DOCK3: variants seen among roughly 807,000 people sequenced by gnomAD.
DOCK3 encodes the protein dedicator of cytokinesis 3, also known as dedicator of cytokinesis protein 3.
Under a neutral mutation model 265.6 loss-of-function variants are expected in DOCK3, and 60 were observed. That is an observed-to-expected ratio of 0.23 (90% CI 0.18 to 0.28). The LOEUF is 0.28. DOCK3 is among the 10% of genes least tolerant of loss of function. DOCK3 has a pLI of 1.00. For missense variants in DOCK3, 1,981 were observed against 2,594.3 expected (o/e 0.76, Z 5.14); for synonymous variants, 881 against 938.0 (o/e 0.94, Z 1.11).
At chr3:51,309,618 GGAGAGC>G (rs71084141) in intron 27 of DOCK3, among the ~76,000 whole-genome samples, 143 of 150,764 alleles carry the variant, frequency 9.5e-4, no homozygotes, top group East Asian at 2.4e-3. Flanking sequence ...AGAGGGAGAG[GGAGAGC>G]GAGAGCGAGA....
intron 24 of DOCK3, among the ~76,000 whole-genome samples, chr3:51,274,831 A>C (rs1030195848): frequency 6.6e-6 from 1 of 152,186 alleles, no homozygotes; most frequent in African/African-American, 2.4e-5. Flanking sequence ...CATCCTGCAC[A>C]AAATGTCATG....
At chr3:51,246,431 G>T (rs182946974) in intron 21 of DOCK3, among the ~76,000 whole-genome samples, 1 of 151,890 alleles carries the variant, frequency 6.6e-6, no homozygotes, top group African/African-American at 2.4e-5. Flanking sequence ...ATAAGGTTTC[G>T]CCATGTTCCC....
chr3:51,092,950 G>T (rs1479556511), intron 9 of DOCK3, among the ~76,000 whole-genome samples: 1 of 152,194 alleles, frequency 6.6e-6, no homozygotes, highest in East Asian at 1.9e-4. Context: ...TTTCCCCATT[G>T]CTTGTTTGTG....
At chr3:51,296,984 G>T (rs2082115476) in intron 27 of DOCK3, among the ~76,000 whole-genome samples, 1 of 151,688 alleles carries the variant, frequency 6.6e-6, no homozygotes. Context: ...CAGGCATGGT[G>T]GCGGGCACTT....
intron 5 of DOCK3, among the ~76,000 whole-genome samples, chr3:50,990,053 C>A (rs1053465965): frequency 6.6e-6 from 1 of 151,990 alleles, no homozygotes; most frequent in Non-Finnish European, 1.5e-5. Context: ...AGGAAAAAAT[C>A]TTGGAATTTA....
At chr3:51,010,716 A>G (rs1263538638) in intron 5 of DOCK3, among the ~76,000 whole-genome samples, 6 of 152,254 alleles carry the variant, frequency 3.9e-5, no homozygotes, top group African/African-American at 1.4e-4. Context: ...TCCTAGCATC[A>G]ATGGTCTTTA....
intron 32 of DOCK3, among the ~76,000 whole-genome samples, chr3:51,321,468 G>A (rs376657722): frequency 3.9e-5 from 6 of 152,140 alleles, no homozygotes; most frequent in East Asian, 3.9e-4. Context: ...AAACCTGGAC[G>A]GAAAATGAAT....
chr3:50,750,434 A>G (rs1576327622), intron 1 of DOCK3, among the ~76,000 whole-genome samples: 1 of 144,404 alleles, frequency 6.9e-6, no homozygotes, highest in African/African-American at 2.6e-5. Flanking sequence ...GGTTCAAGCT[A>G]TTCTCCTGCC....
intron 5 of DOCK3, among the ~76,000 whole-genome samples, chr3:51,006,380 T>A (rs960877615): frequency 1.2e-4 from 18 of 152,202 alleles, no homozygotes; most frequent in African/African-American, 4.1e-4. Flanking sequence ...TTGTTTTGTG[T>A]ATTGCTTACA....
chr3:51,071,295 G>A (rs2081857637), intron 6 of DOCK3, among the ~76,000 whole-genome samples: 1 of 152,128 alleles, frequency 6.6e-6, no homozygotes, highest in African/African-American at 2.4e-5. Flanking sequence ...TGAATTATTG[G>A]AGTGAATGAA....
At chr3:51,053,080 T>TAGATATAG (rs1223958373) in intron 5 of DOCK3, among the ~76,000 whole-genome samples, 1 of 35,926 alleles carries the variant, frequency 2.8e-5, no homozygotes, top group Non-Finnish European at 5.3e-5. Context: ...AAGTCAAAGA[T>TAGATATAG]ATATATATAT....
At chr3:50,797,985 CTG>C (rs1385644282) in intron 2 of DOCK3, among the ~76,000 whole-genome samples, 1 of 152,254 alleles carries the variant, frequency 6.6e-6, no homozygotes, top group African/African-American at 2.4e-5. Context: ...ATACAAAAAA[CTG>C]TAACACATAT....
chr3:51,107,980 A>C (rs2083358220), intron 9 of DOCK3, among the ~76,000 whole-genome samples: 1 of 152,172 alleles, frequency 6.6e-6, no homozygotes, highest in African/African-American at 2.4e-5. Flanking sequence ...TCAAACAAAT[A>C]GTGGACCTCT....
At chr3:51,179,939 G>A (rs560486838) in intron 12 of DOCK3, among the ~76,000 whole-genome samples, 6 of 151,704 alleles carry the variant, frequency 4.0e-5, no homozygotes, top group Admixed American at 1.3e-4. Context: ...CGGACGCGGT[G>A]TCTCATGCCT....
chr3:50,706,067 C>T (rs535696503), intron 1 of DOCK3, among the ~76,000 whole-genome samples: 6 of 151,978 alleles, frequency 3.9e-5, no homozygotes, highest in South Asian at 2.1e-4. Flanking sequence ...CCTGTACGCT[C>T]ACTTCTCCCT....
At chr3:50,929,650 T>C (rs2050952322) in intron 4 of DOCK3, among the ~76,000 whole-genome samples, 1 of 152,222 alleles carries the variant, frequency 6.6e-6, no homozygotes, top group East Asian at 1.9e-4. Context: ...GTTGTTGTTC[T>C]GTTGCTACTA....
intron 5 of DOCK3, among the ~76,000 whole-genome samples, chr3:51,010,978 C>T (rs2033966308): frequency 6.6e-6 from 1 of 152,106 alleles, no homozygotes; most frequent in Non-Finnish European, 1.5e-5. Flanking sequence ...GGGGTTTCTG[C>T]CGAGAGATCC....
chr3:51,064,720 G>A (rs757607128), intron 6 of DOCK3, 124 bp downstream of exon 6: 1 of 1,262,352 alleles, frequency 7.9e-7, no homozygotes, highest in Non-Finnish European at 1.1e-6. Context: ...TCTTCACTAA[G>A]CTTTCATCAT....
intron 5 of DOCK3, among the ~76,000 whole-genome samples, chr3:50,959,225 T>C (rs542078966): frequency 6.6e-6 from 1 of 152,350 alleles, no homozygotes; most frequent in African/African-American, 2.4e-5. Context: ...TGGGTTGATT[T>C]TATTGTATAT....
Sources: gnomAD v4.1 joint callset for allele counts (sites outside exome capture counted in the v4.1 genomes callset) on GRCh38, gnomAD v4.1.1 for gene constraint, MANE v1.5 for transcripts, NCBI Gene and HGNC (gene_info 2026-07-23, HGNC 2026-07-21) for gene names.